SH3TC1: variants seen among roughly 807,000 people sequenced by gnomAD.
SH3TC1 encodes SH3 domain and tetratricopeptide repeat-containing protein 1.
SH3TC1 carries 135 observed loss-of-function variants against 117.3 expected under a neutral mutation model. The observed-to-expected ratio is 1.15, with a 90% CI of 1.00 to 1.33. The LOEUF (loss-of-function observed/expected upper bound fraction) is 1.33. Among genes scored for constraint, SH3TC1 ranks in the 40% most tolerant of loss-of-function variants. The pLI, the probability that SH3TC1 is intolerant of heterozygous loss-of-function variation, is 0.00. For missense variants in SH3TC1, 2,092 were observed against 1,794.3 expected (o/e 1.17, Z -3.00); for synonymous variants, 898 against 816.9 (o/e 1.10, Z -1.69).
In SH3TC1 at chr4:8,209,335, G is replaced by C. The variant is rs2152981532; in HGVS notation, c.173-413G>C. On this transcript the variant is annotated intron_variant, in intron 2 of 17. Transcript: ENST00000245105. The surrounding 1 kb of genome is among the most constrained non-coding windows in gnomAD (Gnocchi z 5.9). ...AGGAGGGAGAGGCAGAAAAGGAGAT[G>C]CAGTGACAAAGCGGAAGTAGAAGTG... Among the ~76,000 whole-genome samples, 1 of 152,352 alleles carries C rather than the reference G, an allele frequency of 6.6e-6. No individual in the cohort carries two copies. The highest frequency in any genetic ancestry group is 6.5e-5 in the Admixed American group (1 of 15,312).
Position 8,216,276 on chromosome 4 carries a change from G to A in SH3TC1, c.628+19G>A, listed in dbSNP as rs1323345893. 1 of 1,609,482 alleles carries A rather than the reference G, an allele frequency of 6.2e-7. No individual in the cohort carries two copies. Among genetic ancestry groups the A allele is most frequent in the South Asian group, 1.1e-5 (1 of 90,466 alleles). ...CAAGAAGGTGAGCGTTGCATGGGGT[G>A]ATGGCCGAGATCCAGCTGTGCGGGG... is the stretch of plus-strand genomic sequence containing the variant. On this transcript the variant is annotated intron_variant, in intron 6 of 17. Transcript: ENST00000245105.
chr4:8,224,962 T>A, intron 10 of SH3TC1: 1 of 584,826 alleles, frequency 1.7e-6, no homozygotes, highest in South Asian at 2.1e-5. Flanking sequence ...AGTGCTCCTA[T>A]GCTGGTTGCA....
At position 8,209,886 on chromosome 4, in the gene SH3TC1, A is replaced by T; in HGVS notation, c.247+64A>T. ...ATCCGGGCTGTGCCGCTCCCTGGGC[A>T]TCCAAGAGTCCAACCCAGGGCTTCT... On this transcript the variant is annotated intron_variant, in intron 3 of 17. Transcript: ENST00000245105. This position sits in a 1 kb window ranked among gnomAD's most constrained non-coding sequence, Gnocchi z 5.9. 6.6e-7 allele frequency: 1 copy of T among 1,525,676 alleles called. No individual in the cohort carries two copies. The highest frequency in any genetic ancestry group is 9.0e-7 in the Non-Finnish European group (1 of 1,114,928). 94.5% of individuals were successfully genotyped at this position (1,525,676 alleles called of 1,614,324 possible). A position where few individuals can be genotyped will look rare whatever the true frequency, so the allele number is the denominator to read the frequency against.
chr4:8,209,545 G>A lies in SH3TC1; in HGVS notation c.173-203G>A. On this transcript the variant is annotated intron_variant, in intron 2 of 17. Coordinates refer to ENST00000245105, the MANE Select transcript of SH3TC1 (RefSeq NM_018986.5). This position sits in a 1 kb window ranked among gnomAD's most constrained non-coding sequence, Gnocchi z 5.9. ...TAAGCCTCTGAGTGTGGGGCAGCTT[G>A]TCACAGCATGCTGGGAAGTGCAGGC... is the stretch of plus-strand genomic sequence containing the variant. The A allele has an allele frequency of 8.3e-7, 1 of 1,206,008 alleles. No individual in the cohort carries two copies. The highest frequency in any genetic ancestry group is 1.4e-5 in the South Asian group (1 of 73,086). The allele number at this position is 1,206,008 out of a possible 1,614,324, so 74.7% of individuals were successfully genotyped here. A position where few individuals can be genotyped will look rare whatever the true frequency, so the allele number is the denominator to read the frequency against.
In SH3TC1 at chr4:8,219,455, T is replaced by C; in HGVS notation, c.1037T>C (p.Val346Ala). The change falls in exon 9 of 18, where the codon GTG becomes GCG. Residue 346 changes from valine (V) to alanine (A), a missense_variant. By Grantham distance (64) the Val-to-Ala change is moderately conservative (BLOSUM62 0). Transcript: ENST00000245105. ...CAGGTGCCCAGCCTGCCCTGGTGCG[T>C]GGGCCGACACGCAGCCTCGGGCCGG... ...GAQVPSLPWCVGRHAASGRVG... is the reference protein window; with the variant it reads ...GAQVPSLPWCAGRHAASGRVG... 2 of 1,608,176 alleles carry C rather than the reference T, an allele frequency of 1.2e-6. No homozygotes were observed. Among genetic ancestry groups the C allele is most frequent in the Non-Finnish European group, 1.7e-6 (2 of 1,176,790 alleles).
At chr4:8,202,070 C>T (rs1001625425) in intron 1 of SH3TC1, among the ~76,000 whole-genome samples, 2 of 152,180 alleles carry the variant, frequency 1.3e-5, no homozygotes, top group African/African-American at 2.4e-5. Context: ...TGTTGAGACG[C>T]CTCCATGTGC....
intron 13 of SH3TC1, 28 bp downstream of exon 13, chr4:8,232,184 G>A: frequency 1.9e-6 from 1 of 513,418 alleles, no homozygotes; most frequent in Non-Finnish European, 3.1e-6. Context: ...GGTGGTGGGG[G>A]CGGGGGGAGG....
Position 8,192,291 on chromosome 4 carries a change from C to T in SH3TC1, c.-57+10081C>T, listed in dbSNP as rs190451036. 1.8e-3 allele frequency among the ~76,000 whole-genome samples: 279 copies of T among 152,036 alleles called. 2 individuals are homozygous for T. The highest frequency in any genetic ancestry group is 3.5e-4 in the Non-Finnish European group (24 of 67,988). ...GATTACAGGCGTGAGCCACTGCGCC[C>T]GGCCCTCAGTCACCTTTAAAATGAA... On this transcript the variant is annotated intron_variant, in intron 1 of 16. Transcript: ENST00000508641. This position sits in a 1 kb window ranked among gnomAD's most constrained non-coding sequence, Gnocchi z 4.1.
At chr4:8,200,225 G>A (rs770037430) in intron 1 of SH3TC1, among the ~76,000 whole-genome samples, 10 of 152,334 alleles carry the variant, frequency 6.6e-5, no homozygotes, top group Non-Finnish European at 1.0e-4. Context: ...TCAGGGTGTG[G>A]CCTCCCAGCG....
At chr4:8,232,740 G>C in intron 13 of SH3TC1, 1 of 1,289,764 alleles carries the variant, frequency 7.8e-7, no homozygotes, top group Non-Finnish European at 1.0e-6. Flanking sequence ...ACACCCCTTC[G>C]ACTCACCAAG....
chr4:8,194,525 G>A (rs1717503461), upstream of SH3TC1, among the ~76,000 whole-genome samples: 1 of 152,162 alleles, frequency 6.6e-6, no homozygotes. Context: ...TGGTCAGGGT[G>A]GCTTGTTTTG....
At chr4:8,226,874 T>C (rs1578717020) in intron 11 of SH3TC1, 106 bp from the exon 12 acceptor site, 2 of 765,332 alleles carry the variant, frequency 2.6e-6, no homozygotes, top group Non-Finnish European at 3.9e-6. Context: ...GTCTGGAAAG[T>C]GCTGCGCCGG....
At chr4:8,237,736 C>G (rs1211084538) in intron 17 of SH3TC1, 66 bp downstream of exon 17, 1 of 1,484,042 alleles carries the variant, frequency 6.7e-7, no homozygotes, top group African/African-American at 1.4e-5. Flanking sequence ...CCACCCAGAC[C>G]CCTGAGGCAT....
chr4:8,231,625 C>G, intron 12 of SH3TC1: 1 of 277,882 alleles, frequency 3.6e-6, no homozygotes, highest in Non-Finnish European at 6.8e-6. Context: ...TTTGCTCCCC[C>G]AGGGTTCCAT....
At chr4:8,217,367 A>G (rs1719404667) in intron 7 of SH3TC1, among the ~76,000 whole-genome samples, 200 bp downstream of exon 7, 1 of 152,238 alleles carries the variant, frequency 6.6e-6, no homozygotes, top group Admixed American at 6.5e-5. Context: ...TGCCAGCTGC[A>G]TGATAGGCCA....
intron 12 of SH3TC1, 89 bp from the exon 13 acceptor site, chr4:8,231,887 G>A: frequency 1.4e-6 from 2 of 1,473,366 alleles, no homozygotes; most frequent in Non-Finnish European, 1.8e-6. Context: ...AGGTGTGAAA[G>A]AGGCAAGCAC....
chr4:8,237,676 T>C lies in SH3TC1; in HGVS notation c.3753+6T>C. On this transcript the variant is annotated splice_donor_region_variant and intron_variant, in intron 17 of 17. Coordinates refer to ENST00000245105, the MANE Select transcript of SH3TC1 (RefSeq NM_018986.5). ...TCATCTTCTACGACCTGAAGGTGGG[T>C]GGGGAGGGGCTGGGCTCAGGGTGTT... The C allele has an allele frequency of 6.3e-7, 1 of 1,582,270 alleles. No individual in the cohort carries two copies. Among genetic ancestry groups the C allele is most frequent in the Non-Finnish European group, 8.6e-7 (1 of 1,159,518 alleles).
chr4:8,197,325 A>T (rs1717584439), upstream of SH3TC1, among the ~76,000 whole-genome samples: 1 of 152,128 alleles, frequency 6.6e-6, no homozygotes, highest in African/African-American at 2.4e-5. Flanking sequence ...ACTGTAAGAG[A>T]TGACATTTCT....
intron 17 of SH3TC1, among the ~76,000 whole-genome samples, 176 bp downstream of exon 17, chr4:8,237,846 G>A (rs531966818): frequency 6.6e-6 from 1 of 152,156 alleles, no homozygotes; most frequent in Non-Finnish European, 1.5e-5. Context: ...CAGCTCCCGA[G>A]CGGCCAGGCC....
Sources: gnomAD v4.1 joint callset for allele counts (sites outside exome capture counted in the v4.1 genomes callset) on GRCh38, gnomAD v4.1.1 for gene constraint, Gnocchi (gnomAD v3.1) non-coding constraint, MANE v1.5 for transcripts, NCBI Gene and HGNC (gene_info 2026-07-23, HGNC 2026-07-21) for gene names.